Variants in PCSK5 observed in about 807,000 individuals in gnomAD.
PCSK5 encodes the protein prohormone convertase 5.
PCSK5 carries 129 observed loss-of-function variants against 233.2 expected under a neutral mutation model. The observed-to-expected ratio is 0.55, with a 90% CI of 0.48 to 0.64. The LOEUF (loss-of-function observed/expected upper bound fraction) is 0.64. Ranked by LOEUF, PCSK5 falls within the 30% of genes least tolerant of loss-of-function variation. The pLI is 0.00. For synonymous variants in PCSK5, 825 were observed against 879.2 expected, an observed-to-expected ratio of 0.94 and a Z score of 1.09; for missense variants, 2,076 against 2,430.1, an observed-to-expected ratio of 0.85 and a Z score of 3.06.
intron 17 of PCSK5, among the ~76,000 whole-genome samples, chr9:76,187,284 G>A (rs1824149870): frequency 6.6e-6 from 1 of 152,106 alleles, no homozygotes; most frequent in African/African-American, 2.4e-5. Flanking sequence ...TAGTTTCATT[G>A]ATTTGGTAGC....
intron 2 of PCSK5, among the ~76,000 whole-genome samples, chr9:75,953,441 T>C (rs912381525): frequency 1.3e-5 from 2 of 152,108 alleles, no homozygotes; most frequent in African/African-American, 4.8e-5. Context: ...GATGCAGGGT[T>C]TAAAGTGAGC....
intron 21 of PCSK5, among the ~76,000 whole-genome samples, chr9:76,229,249 A>G (rs1365356640): frequency 6.6e-6 from 1 of 152,220 alleles, no homozygotes. Flanking sequence ...ATTCCCCACC[A>G]TACCAACAAT....
chr9:76,200,960 G>A (rs1284319348), intron 20 of PCSK5, among the ~76,000 whole-genome samples: 1 of 152,220 alleles, frequency 6.6e-6, no homozygotes, highest in Admixed American at 6.5e-5. Flanking sequence ...CAACATATTT[G>A]AGAAGCATTC....
rs71372059 is a variant in PCSK5 at position 76,282,120 on chromosome 9, CTTTTTTTTT to C, written c.3143-10094_3143-10086del. ...CTGGAGTGCACCATTCTTTTCTTTGCTTTTTTTTTTTTTTTTTTTTTTTTTTTCGCTCTG... is the reference window on the plus strand; with the variant it reads ...CTGGAGTGCACCATTCTTTTCTTTGCTTTTTTTTTTTTTTTTTTCGCTCTG... On this transcript the variant is annotated intron_variant, in intron 24 of 37. Transcript: ENST00000674117. 3.0e-3 allele frequency among the ~76,000 whole-genome samples: 43 copies of C among 14,508 alleles called. No individual in the cohort carries two copies. In the South Asian group the frequency reaches 0.035, roughly 12 times the overall value. 9.5% of individuals were successfully genotyped at this position (14,508 alleles called of 152,430 possible).
intron 24 of PCSK5, among the ~76,000 whole-genome samples, chr9:76,242,840 T>G (rs1258859693): frequency 1.3e-5 from 2 of 152,244 alleles, no homozygotes; most frequent in Non-Finnish European, 2.9e-5. Context: ...GTTTGGGCTC[T>G]CTTGGCTCTG....
At position 76,324,522 on chromosome 9, in the gene PCSK5, C is replaced by T. The variant is rs558517244; in HGVS notation, c.4339+1234C>T. On this transcript the variant is annotated intron_variant, in intron 32 of 37. Coordinates refer to ENST00000674117, the MANE Select transcript of PCSK5 (RefSeq NM_001372043.1). ...CTGGGATTACAGGTGTGAGCCACCG[C>T]GCCCAGCCTCCCTTCATGGTTTGCT... 5.3e-5 allele frequency among the ~76,000 whole-genome samples: 8 copies of T among 152,220 alleles called. 1 individual carries two copies. In the South Asian group the frequency reaches 6.2e-4, roughly 12 times the overall value.
intron 10 of PCSK5, among the ~76,000 whole-genome samples, chr9:76,155,492 CT>C (rs1333064949): frequency 6.6e-6 from 1 of 152,128 alleles, no homozygotes; most frequent in African/African-American, 2.4e-5. Context: ...TATAATGCAG[CT>C]GGAGTAAAAA....
chr9:75,994,923 A>G (rs1004297730), intron 3 of PCSK5, among the ~76,000 whole-genome samples: 1 of 152,216 alleles, frequency 6.6e-6, no homozygotes, highest in African/African-American at 2.4e-5. Context: ...AAGGCCTCAC[A>G]TGATTTGTTC....
chr9:76,301,712 T>C lies in PCSK5; in HGVS notation c.3524-425T>C, dbSNP rs377606499. Among the ~76,000 whole-genome samples, 9 of 152,090 alleles carry C rather than the reference T, an allele frequency of 5.9e-5. No individual in the cohort carries two copies. The East Asian group carries it at 1.7e-3, about 30-fold the overall frequency. ...ACAAAATACTAGCCAGGCATGGCGG[T>C]GCTTGCCTATAGTCCCAGCTACTTG... is the stretch of plus-strand genomic sequence containing the variant. On this transcript the variant is annotated intron_variant, in intron 27 of 37. Coordinates refer to ENST00000674117, the MANE Select transcript of PCSK5 (RefSeq NM_001372043.1).
chr9:75,892,688 G>A (rs1351813968), intron 1 of PCSK5, among the ~76,000 whole-genome samples: 1 of 152,200 alleles, frequency 6.6e-6, no homozygotes, highest in Non-Finnish European at 1.5e-5. Flanking sequence ...CCTCCCCGCC[G>A]CCTGGGGGAT....
At chr9:75,942,567 T>C (rs760758517) in intron 2 of PCSK5, among the ~76,000 whole-genome samples, 6 of 152,166 alleles carry the variant, frequency 3.9e-5, no homozygotes, top group Non-Finnish European at 7.3e-5. Context: ...TCTTGCAAGT[T>C]GTGGAGCGAA....
intron 24 of PCSK5, among the ~76,000 whole-genome samples, chr9:76,258,914 A>C (rs1460850531): frequency 6.6e-6 from 1 of 152,194 alleles, no homozygotes; most frequent in Non-Finnish European, 1.5e-5. Flanking sequence ...GGCTAATGAC[A>C]GTTACCCAAA....
At chr9:76,079,453 T>C (rs899370442) in intron 7 of PCSK5, among the ~76,000 whole-genome samples, 1 of 152,124 alleles carries the variant, frequency 6.6e-6, no homozygotes, top group African/African-American at 2.4e-5. Flanking sequence ...GCATTCTTTA[T>C]ATGGTTCTCA....
At chr9:76,056,563 A>G (rs1280102921) in intron 5 of PCSK5, among the ~76,000 whole-genome samples, 1 of 152,208 alleles carries the variant, frequency 6.6e-6, no homozygotes, top group Non-Finnish European at 1.5e-5. Flanking sequence ...TCAATAAGGT[A>G]TCCCAGGTAA....
intron 9 of PCSK5, among the ~76,000 whole-genome samples, chr9:76,123,730 T>C (rs540064616): frequency 3.1e-4 from 47 of 152,316 alleles, no homozygotes; most frequent in African/African-American, 1.1e-3. Flanking sequence ...CTTTAAATTG[T>C]TTATTTTATT....
intron 7 of PCSK5, among the ~76,000 whole-genome samples, chr9:76,079,025 T>A (rs1830738485): frequency 6.6e-6 from 1 of 152,138 alleles, no homozygotes. Flanking sequence ...CTTCTTCTTG[T>A]AGACATCTTT....
At chr9:76,190,133 C>G (rs1824300537) in intron 20 of PCSK5, among the ~76,000 whole-genome samples, 1 of 152,156 alleles carries the variant, frequency 6.6e-6, no homozygotes, top group African/African-American at 2.4e-5. Context: ...ACATTTGTTA[C>G]AGTTGATAAA....
chr9:76,310,562 T>A, intron 29 of PCSK5, 94 bp from the exon 30 acceptor site: 1 of 723,140 alleles, frequency 1.4e-6, no homozygotes, highest in South Asian at 3.2e-5. Flanking sequence ...AGTGCCTGGA[T>A]ACTTTGGTCT....
intron 29 of PCSK5, among the ~76,000 whole-genome samples, chr9:76,310,443 G>T (rs1828832085): frequency 6.6e-6 from 1 of 152,108 alleles, no homozygotes. Context: ...ATATCTGTAG[G>T]ATAGGAAAGA....
Sources: allele counts gnomAD v4.1 joint callset (sites outside exome capture counted in the v4.1 genomes callset), GRCh38; gene constraint gnomAD v4.1.1; transcripts MANE v1.5; gene names NCBI Gene and HGNC (gene_info 2026-07-23, HGNC 2026-07-21).